TNFRSF18: variants seen among roughly 807,000 people sequenced by gnomAD.
TNFRSF18 encodes the protein TNF receptor superfamily member 18.
A neutral mutation model predicts 30.2 loss-of-function variants in TNFRSF18; 36 were observed. That is an observed-to-expected ratio of 1.19 (90% CI 0.91 to 1.58). The LOEUF is 1.58. Among genes scored for constraint, TNFRSF18 ranks in the 40% most tolerant of loss-of-function variants. The pLI is 0.00. For synonymous variants in TNFRSF18, 173 were observed against 158.3 expected, an observed-to-expected ratio of 1.09 and a Z score of -0.70; for missense variants, 369 against 345.4, an observed-to-expected ratio of 1.07 and a Z score of -0.54.
At position 1,204,073 on chromosome 1, in the gene TNFRSF18, G is replaced by A. The variant is rs895401057; in HGVS notation, c.562C>T (p.His188Tyr). 6 of 1,606,488 alleles carry A rather than the reference G, an allele frequency of 3.7e-6. No individual in the cohort carries two copies. Among genetic ancestry groups the A allele is most frequent in the Non-Finnish European group, 5.1e-6 (6 of 1,177,194 alleles). Residue 188 changes from histidine (H) to tyrosine (Y), a missense_variant, in exon 4 of 5, where the codon CAC becomes TAC. By Grantham distance (83) the His-to-Tyr change is moderately conservative. Transcript: ENST00000379268. ...LLLTSAQLGLHIWQLRSQCMW... is the reference protein window; with the variant it reads ...LLLTSAQLGLYIWQLRSQCMW... ...CACTGACTCCTCAGCTGCCAGATGT[G>A]CAGTCCAAGCTGGGCCGAGGTCAGG...
rs1041027272 is a variant in TNFRSF18, at chr1:1,205,247, C to T, written c.310+123G>A. ...GAGCATGGCCTGGCCTGCCCGGCCT[C>T]ACAGGACTCCGGACCCCACACACCA... On this transcript the variant is annotated intron_variant, in intron 2 of 4. Coordinates refer to ENST00000379268, the MANE Select transcript of TNFRSF18 (RefSeq NM_004195.3). 6.9e-6 allele frequency: 10 copies of T among 1,458,836 alleles called. No homozygotes were observed. In the Admixed American group the frequency reaches 2.0e-4, roughly 30 times the overall value. The allele number at this position is 1,458,836 out of a possible 1,614,324, so 90.4% of individuals were successfully genotyped here. A position where few individuals can be genotyped will look rare whatever the true frequency, so the allele number is the denominator to read the frequency against.
rs747331087 is a variant in TNFRSF18 at position 1,204,429 on chromosome 1, C to G, written c.368G>C (p.Gly123Ala). 1.9e-6 allele frequency: 3 copies of G among 1,612,668 alleles called. No individual in the cohort carries two copies. Among genetic ancestry groups the G allele is most frequent in the Admixed American group, 1.7e-5 (1 of 60,008 alleles). The part of the protein sequence containing the change: ...IDCASGTFSG[G>A]HEGHCKPWTD... ...CCAAGGTTTGCAGTGGCCTTCGTGGCCCCCGGAGAAGGTCCCCGAGGCACA... is the reference window on the plus strand; with the variant it reads ...CCAAGGTTTGCAGTGGCCTTCGTGGGCCCCGGAGAAGGTCCCCGAGGCACA... Residue 123 changes from glycine (G) to alanine (A), a missense_variant, in exon 3 of 5, where the codon GGC becomes GCC. Transcript: ENST00000379268.
chr1:1,206,274 T>C, intron 1 of TNFRSF18, 111 bp downstream of exon 1: 1 of 1,272,074 alleles, frequency 7.9e-7, no homozygotes, highest in Non-Finnish European at 1.1e-6. Flanking sequence ...GTGCCCACCC[T>C]CCTTAGACCT....
Position 1,204,422 on chromosome 1 carries a change from T to G in TNFRSF18, c.375A>C (p.Glu125Asp), listed in dbSNP as rs367839399. ...ACTCTGTCCAAGGTTTGCAGTGGCCTTCGTGGCCCCCGGAGAAGGTCCCCG... is the reference window on the plus strand; with the variant it reads ...ACTCTGTCCAAGGTTTGCAGTGGCCGTCGTGGCCCCCGGAGAAGGTCCCCG... ...CASGTFSGGH[E>D]GHCKPWTDCT... The change falls in exon 3 of 5, where the codon GAA becomes GAC. Residue 125 changes from glutamate to aspartate, a missense_variant. Transcript: ENST00000379268. 8 of 1,612,546 alleles carry G rather than the reference T, an allele frequency of 5.0e-6. No individual in the cohort carries two copies. The highest frequency in any genetic ancestry group is 1.7e-4 in the Middle Eastern group (1 of 6,034).
At position 1,206,513 on chromosome 1, in the gene TNFRSF18, C is replaced by T. The variant is rs1418890992; in HGVS notation, c.59G>A (p.Cys20Tyr). 4 of 1,541,904 alleles carry T rather than the reference C, an allele frequency of 2.6e-6. No individual in the cohort carries two copies. The highest frequency in any genetic ancestry group is 2.8e-5 in the African/African-American group (2 of 71,996). Residue 20 changes from cysteine (C) to tyrosine (Y), a missense_variant, in exon 1 of 5, where the codon TGC (cysteine) becomes TAC (tyrosine). Transcript: ENST00000379268. ...GGGGCGCTGACCCAGGCTGAGCGCGCACAGCAGCGCCAGGCCGCACAGGGC... is the reference window on the plus strand; with the variant it reads ...GGGGCGCTGACCCAGGCTGAGCGCGTACAGCAGCGCCAGGCCGCACAGGGC... Reference protein sequence around the residue: ...FRALCGLALLCALSLGQRPTG... With the variant: ...FRALCGLALLYALSLGQRPTG...
Position 1,206,243 on chromosome 1 carries a change from G to A in TNFRSF18, c.187+142C>T, listed in dbSNP as rs565533442. On this transcript the variant is annotated intron_variant, in intron 1 of 4. Coordinates refer to ENST00000379268, the MANE Select transcript of TNFRSF18 (RefSeq NM_004195.3). The stretch of plus-strand genomic sequence containing the variant: ...CTGGGATCCTGCCTCCCTCCGGAAG[G>A]CTCCCGCTGCTGGCGGCTCTGTGCC... 6 of 971,174 alleles carry A rather than the reference G, an allele frequency of 6.2e-6. 1 individual carries two copies. In the South Asian group the frequency reaches 1.1e-4, roughly 17 times the overall value. 60.2% of individuals were successfully genotyped at this position (971,174 alleles called of 1,614,324 possible). A position where few individuals can be genotyped will look rare whatever the true frequency, so the allele number is the denominator to read the frequency against.
rs1447170561 is a variant in TNFRSF18, at chr1:1,203,979, G to A, written c.602-11C>T. The stretch of plus-strand genomic sequence containing the variant: ...GCAGCAGCTGGGTCTCTGCAGGGGG[G>A]CCACGGTCAGCAGGCAGCCATGCTC... On this transcript the variant is annotated splice_polypyrimidine_tract_variant and intron_variant, in intron 4 of 4. Transcript: ENST00000379268. 3.7e-6 allele frequency: 6 copies of A among 1,606,222 alleles called. No homozygotes were observed. The highest frequency in any genetic ancestry group is 4.5e-5 in the East Asian group (2 of 44,800).
Position 1,206,430 on chromosome 1 carries a change from G to T in TNFRSF18, c.142C>A (p.Arg48Ser), listed in dbSNP as rs368423092. 1.7e-5 allele frequency: 26 copies of T among 1,547,242 alleles called. No individual in the cohort carries two copies. The highest frequency in any genetic ancestry group is 2.1e-5 in the Non-Finnish European group (24 of 1,146,234). Residue 48 changes from arginine to serine, a missense_variant, in exon 1 of 5, where the codon CGC becomes AGC. Coordinates refer to ENST00000379268, the MANE Select transcript of TNFRSF18 (RefSeq NM_004195.3). Reference sequence around the variant, plus strand: ...CGCGTCGTGTGAACCCGGCAGCAGCGCGCGTCCGTTCCCGTCCCAAGCAGG... The same window carrying T: ...CGCGTCGTGTGAACCCGGCAGCAGCTCGCGTCCGTTCCCGTCCCAAGCAGG... Reference protein sequence around the residue: ...RLLLGTGTDARCCRVHTTRCC... With the variant: ...RLLLGTGTDASCCRVHTTRCC...
At chr1:1,204,880 C>A (rs926241633) in intron 2 of TNFRSF18, among the ~76,000 whole-genome samples, 8 of 152,162 alleles carry the variant, frequency 5.3e-5, no homozygotes, top group Non-Finnish European at 1.0e-4. Context: ...CTGCCCCGTC[C>A]AACCTGACAC....
chr1:1,205,337 G>A (rs1164026379), intron 2 of TNFRSF18, 33 bp downstream of exon 2: 3 of 1,601,028 alleles, frequency 1.9e-6, no homozygotes, highest in Non-Finnish European at 2.6e-6. Flanking sequence ...CCCCTGGCCT[G>A]TGTGGACTCC....
chr1:1,205,615 C>T, intron 1 of TNFRSF18, 123 bp from the exon 2 acceptor site: 1 of 1,053,466 alleles, frequency 9.5e-7, no homozygotes, highest in South Asian at 1.6e-5. Flanking sequence ...CTCCAGGGAG[C>T]AGAGGGCTCC....
Position 1,204,264 on chromosome 1 carries a change from C to G in TNFRSF18, c.399-28G>C, listed in dbSNP as rs1433859395. 3 of 1,600,716 alleles carry G rather than the reference C, an allele frequency of 1.9e-6. No homozygotes were observed. In the South Asian group the frequency reaches 3.3e-5, roughly 18 times the overall value. On this transcript the variant is annotated intron_variant, in intron 3 of 4. Transcript: ENST00000379268. ...GGAATACATGGACGCGGCCTCCTATCAGCCCCCGGACACGGCCTCCGATCA... is the reference window on the plus strand; with the variant it reads ...GGAATACATGGACGCGGCCTCCTATGAGCCCCCGGACACGGCCTCCGATCA...
chr1:1,205,807 C>T, intron 1 of TNFRSF18: 1 of 352,750 alleles, frequency 2.8e-6, no homozygotes, highest in African/African-American at 2.1e-5. Flanking sequence ...CCCCTGGAGG[C>T]CCGTCGACAC....
chr1:1,206,349 T>C (rs1648826916), intron 1 of TNFRSF18, 36 bp downstream of exon 1: 1 of 1,540,974 alleles, frequency 6.5e-7, no homozygotes, highest in East Asian at 2.5e-5. Context: ...CGGGACGCCT[T>C]GGCCGGTCCG....
At chr1:1,204,677 G>T (rs965998226) in intron 2 of TNFRSF18, among the ~76,000 whole-genome samples, 191 bp from the exon 3 acceptor site, 1 of 152,218 alleles carries the variant, frequency 6.6e-6, no homozygotes, top group South Asian at 2.1e-4. Context: ...CCCAGGTGGG[G>T]CGTCTGGGGT....
intron 2 of TNFRSF18, among the ~76,000 whole-genome samples, 183 bp from the exon 3 acceptor site, chr1:1,204,669 C>T (rs970821754): frequency 6.6e-6 from 1 of 152,158 alleles, no homozygotes; most frequent in Admixed American, 6.5e-5. Flanking sequence ...CTGCCCGTCC[C>T]AGGTGGGGCG....
chr1:1,205,819 T>C, intron 1 of TNFRSF18: 1 of 337,052 alleles, frequency 3.0e-6, no homozygotes, highest in Non-Finnish European at 5.5e-6. Flanking sequence ...CGTCGACACC[T>C]CAGAGGCCGC....
chr1:1,205,491 G>A lies in TNFRSF18; in HGVS notation c.189C>T (p.Gly63=), dbSNP rs142770542. 1,996 of 1,611,174 alleles carry A rather than the reference G, an allele frequency of 1.2e-3. 24 individuals are homozygous for A. The highest frequency in any genetic ancestry group is 0.012 in the Middle Eastern group (70 of 6,050). ...AGTCCCACTCGGAACAGCACTCCTC[G>A]CCTGGGCAGGAGACAGGCCAGCCCC... The part of the protein sequence containing the change: ...HTTRCCRDYP[G]EECCSEWDCM... Residue 63 remains glycine (G), a splice_region_variant and synonymous_variant, in exon 2 of 5, where the codon GGC becomes GGT. Transcript: ENST00000379268.
In TNFRSF18 at chr1:1,205,356, C is replaced by A. The variant is rs759206823; in HGVS notation, c.310+14G>T. ...TGGCCTGTGTGGACTCCCAGAGGCA[C>A]CTCCAGGACTTACCCTGGGACTGTA... On this transcript the variant is annotated intron_variant, in intron 2 of 4. Transcript: ENST00000379268. 1 of 1,609,304 alleles carries A rather than the reference C, an allele frequency of 6.2e-7. No homozygotes were observed. Among genetic ancestry groups the A allele is most frequent in the South Asian group, 1.1e-5 (1 of 90,360 alleles).
Sources: gnomAD v4.1 joint callset for allele counts (sites outside exome capture counted in the v4.1 genomes callset) on GRCh38, gnomAD v4.1.1 for gene constraint, MANE v1.5 for transcripts, NCBI Gene and HGNC (gene_info 2026-07-23, HGNC 2026-07-21) for gene names.